The following DCBLD2 variants were observed in gnomAD, a reference collection of about 807,000 sequenced individuals.
The protein encoded by DCBLD2 is discoidin, CUB and LCCL domain containing 2.
A neutral mutation model predicts 86.8 loss-of-function variants in DCBLD2; 54 were observed. The ratio of observed to expected loss-of-function variants is 0.62; its 90% CI spans 0.50 to 0.78. The LOEUF is 0.78. DCBLD2 is among the 30% of genes least tolerant of loss of function. DCBLD2 has a pLI of 0.00. For missense variants in DCBLD2, 908 were observed against 954.2 expected, an observed-to-expected ratio of 0.95 and a Z score of 0.64; for synonymous variants, 354 against 341.3, an observed-to-expected ratio of 1.04 and a Z score of -0.41.
At chr3:98,805,640 C>T (rs555023597) in intron 13 of DCBLD2, among the ~76,000 whole-genome samples, 1 of 152,152 alleles carries the variant, frequency 6.6e-6, no homozygotes, top group Admixed American at 6.5e-5. Context: ...TGTCATAAAG[C>T]CACACTCATC....
chr3:98,899,497 G>A (rs528245695), intron 1 of DCBLD2, among the ~76,000 whole-genome samples: 3 of 152,138 alleles, frequency 2.0e-5, no homozygotes, highest in East Asian at 3.9e-4. Flanking sequence ...TGATCTGCCC[G>A]CCTCAGCCTC....
chr3:98,899,889 T>C (rs1553736072), intron 1 of DCBLD2, among the ~76,000 whole-genome samples: 2 of 152,038 alleles, frequency 1.3e-5, no homozygotes, highest in African/African-American at 2.4e-5. Flanking sequence ...AAGCCTGTTT[T>C]CCCCCCTACC....
intron 2 of DCBLD2, among the ~76,000 whole-genome samples, chr3:98,877,617 T>C (rs989511932): frequency 3.9e-5 from 6 of 152,278 alleles, no homozygotes; most frequent in Admixed American, 2.0e-4. Context: ...TACATATGTA[T>C]ATACAAATGT....
intron 3 of DCBLD2, among the ~76,000 whole-genome samples, chr3:98,829,184 G>A (rs541742935): frequency 2.6e-5 from 4 of 152,044 alleles, no homozygotes; most frequent in East Asian, 1.9e-4. Flanking sequence ...TTTTAGATAC[G>A]GGGTACATGT....
intron 3 of DCBLD2, among the ~76,000 whole-genome samples, chr3:98,841,483 T>A (rs747061978): frequency 1.3e-5 from 2 of 152,236 alleles, no homozygotes; most frequent in African/African-American, 4.8e-5. Context: ...TATAATACCA[T>A]GAAAATATAT....
intron 1 of DCBLD2, among the ~76,000 whole-genome samples, chr3:98,890,761 T>C (rs1943646625): frequency 6.6e-6 from 1 of 152,100 alleles, no homozygotes; most frequent in Non-Finnish European, 1.5e-5. Context: ...AGACCTTAAC[T>C]GTATGTAACC....
chr3:98,818,715 T>C (rs1488618533), intron 8 of DCBLD2, among the ~76,000 whole-genome samples: 1 of 152,212 alleles, frequency 6.6e-6, no homozygotes, highest in Non-Finnish European at 1.5e-5. Flanking sequence ...TAAACTGGCT[T>C]AAGTCTCCCA....
chr3:98,821,883 T>C (rs968253005), intron 6 of DCBLD2, among the ~76,000 whole-genome samples: 4 of 152,010 alleles, frequency 2.6e-5, no homozygotes, highest in African/African-American at 9.7e-5. Flanking sequence ...CCGCCTCTAC[T>C]AAAAATACAA....
At chr3:98,892,086 T>C (rs1943671936) in intron 1 of DCBLD2, among the ~76,000 whole-genome samples, 1 of 152,088 alleles carries the variant, frequency 6.6e-6, no homozygotes, top group Non-Finnish European at 1.5e-5. Flanking sequence ...GGTAGACAAC[T>C]AACACATTAG....
chr3:98,892,331 T>A (rs1344215805), intron 1 of DCBLD2, among the ~76,000 whole-genome samples: 1 of 152,068 alleles, frequency 6.6e-6, no homozygotes, highest in African/African-American at 2.4e-5. Context: ...ACACTCTTTC[T>A]CCTAGAAGAG....
chr3:98,841,406 C>T (rs143438351), intron 3 of DCBLD2, among the ~76,000 whole-genome samples: 25 of 152,220 alleles, frequency 1.6e-4, no homozygotes, highest in South Asian at 8.3e-4. Flanking sequence ...ATAATAACTG[C>T]AAAGGCTAGA....
Position 98,822,229 on chromosome 3 carries a change from C to G in DCBLD2, c.829G>C (p.Val277Leu). Residue 277 changes from valine to leucine, a missense_variant and splice_region_variant, in exon 6 of 16, where the codon GTG (valine) becomes CTG (leucine). Val to Leu is a conservative substitution (Grantham distance 32). Around this residue, in one of 3 missense-constraint regions of DCBLD2, gnomAD observed 606 missense variants for 678.5 expected, o/e 0.89. Transcript: ENST00000326840. ...SSLANNVTSV[V>L]GHLSTSLFTF... Reference sequence around the variant, plus strand: ...TTTTTAAATTGCATATATACTTACACCACAGATGTGACGTTGTTAGCCAAA... The same window carrying G: ...TTTTTAAATTGCATATATACTTACAGCACAGATGTGACGTTGTTAGCCAAA... The G allele has an allele frequency of 6.2e-7, 1 of 1,613,666 alleles. No homozygotes were observed. The highest frequency in any genetic ancestry group is 8.5e-7 in the Non-Finnish European group (1 of 1,179,718).
intron 2 of DCBLD2, among the ~76,000 whole-genome samples, chr3:98,871,154 C>T (rs1943276600): frequency 6.6e-6 from 1 of 151,896 alleles, no homozygotes; most frequent in African/African-American, 2.4e-5. Context: ...TGACACTTTA[C>T]AGATTCATTT....
chr3:98,886,809 C>CCTT (rs1553734160), intron 1 of DCBLD2, among the ~76,000 whole-genome samples: 61 of 121,512 alleles, frequency 5.0e-4, no homozygotes, highest in South Asian at 4.0e-3. Context: ...AACCCCCCCC[C>CCTT]TTTTTTTTTT....
intron 8 of DCBLD2, among the ~76,000 whole-genome samples, chr3:98,818,325 C>T (rs1395065774): frequency 6.6e-6 from 1 of 152,182 alleles, no homozygotes; most frequent in Non-Finnish European, 1.5e-5. Context: ...TTTATACTCT[C>T]CACATGTGGA....
At position 98,867,867 on chromosome 3, in the gene DCBLD2, A is replaced by G. The variant is rs1001534596; in HGVS notation, c.433+13673T>C. Among the ~76,000 whole-genome samples, 16 of 152,002 alleles carry G rather than the reference A, an allele frequency of 1.1e-4. No homozygotes were observed. In the Middle Eastern group the frequency reaches 0.014, roughly 129 times the overall value. On this transcript the variant is annotated intron_variant, in intron 2 of 15. Coordinates refer to ENST00000326840, the MANE Select transcript of DCBLD2 (RefSeq NM_080927.4). ...ACCCAGGCTGGAGTGCAGTGGCACA[A>G]TCTTGGTTCACTGCAAGCTCCGCCT...
Position 98,796,105 on chromosome 3 carries a change from T to C in DCBLD2, c.*3267A>G, listed in dbSNP as rs1941582711. On this transcript the variant is annotated 3_prime_UTR_variant, in exon 16 of 16. Transcript: ENST00000326840. ...TTACAATCTAAATTCTAGCAACATA[T>C]ACAAATACTGAGTGACTACAGTACA... 1 of 152,668 alleles carries C rather than the reference T, an allele frequency of 6.6e-6. No individual in the cohort carries two copies. Among genetic ancestry groups the C allele is most frequent in the Admixed American group, 6.5e-5 (1 of 15,290 alleles). 9.5% of individuals were successfully genotyped at this position (152,668 alleles called of 1,614,324 possible).
intron 2 of DCBLD2, among the ~76,000 whole-genome samples, chr3:98,864,109 A>G (rs1156389777): frequency 6.6e-6 from 1 of 152,372 alleles, no homozygotes; most frequent in Admixed American, 6.5e-5. Flanking sequence ...AAAAATGCTC[A>G]TCATCACTGG....
Position 98,799,709 on chromosome 3 carries a change from T to C in DCBLD2, c.1991A>G (p.His664Arg), listed in dbSNP as rs377040865. 8.1e-6 allele frequency: 13 copies of C among 1,614,024 alleles called. No individual in the cohort carries two copies. In the African/African-American group the frequency reaches 1.5e-4, roughly 18 times the overall value. Residue 664 changes from histidine to arginine, a missense_variant, in exon 16 of 16, where the codon CAT (histidine) becomes CGT (arginine). Around this residue, in one of 3 missense-constraint regions of DCBLD2, gnomAD observed 606 missense variants for 678.5 expected, o/e 0.89. Transcript: ENST00000326840. ...PYNSPGQEVY[H>R]AYAEPLPITG... ...AATTGGGAGTGGTTCAGCATAGGCA[T>C]GATAAACTTCCTGCCCTGGTGAGTT...
Sources: gnomAD v4.1 joint callset for allele counts (sites outside exome capture counted in the v4.1 genomes callset) on GRCh38, gnomAD v4.1.1 for gene constraint, gnomAD v4.1.1 regional missense constraint, MANE v1.5 for transcripts, NCBI Gene and HGNC (gene_info 2026-07-23, HGNC 2026-07-21) for gene names.